Variants in ZNF423 observed in about 807,000 individuals in gnomAD.
ZNF423 encodes Ebf-associated zinc finger protein.
ZNF423 carries 12 observed loss-of-function variants against 95.8 expected under a neutral mutation model. The ratio of observed to expected loss-of-function variants is 0.13; its 90% CI spans 0.08 to 0.20. The LOEUF is 0.20. Ranked by LOEUF, ZNF423 falls within the 10% of genes least tolerant of loss-of-function variation. The pLI, the probability that ZNF423 is intolerant of heterozygous loss-of-function variation, is 1.00. For missense variants in ZNF423, 1,316 were observed against 1,737.1 expected (o/e 0.76, Z 4.31); for synonymous variants, 749 against 711.9 (o/e 1.05, Z -0.83).
intron 3 of ZNF423, among the ~76,000 whole-genome samples, chr16:49,651,173 A>G (rs1596792761): frequency 1.3e-5 from 2 of 149,602 alleles, no homozygotes; most frequent in Non-Finnish European, 1.5e-5. Flanking sequence ...GGTGCGTGCC[A>G]CCATGCCTGG....
chr16:49,843,902 A>C (rs185451139), intron 1 of ZNF423, among the ~76,000 whole-genome samples: 1 of 152,140 alleles, frequency 6.6e-6, no homozygotes, highest in East Asian at 1.9e-4. Context: ...GCCAGGATCG[A>C]GCTGGTCAAA....
At chr16:49,858,728 C>CCCG (rs61603332), upstream of ZNF423, among the ~76,000 whole-genome samples, 1 of 139,854 alleles carries the variant, frequency 7.2e-6, no homozygotes, top group Non-Finnish European at 1.6e-5. The surrounding 1 kb of genome is among the most constrained non-coding windows in gnomAD (Gnocchi z 4.3). Context: ...CCCCCCCCCC[C>CCCG]ACGCCCCCGC....
intron 1 of ZNF423, among the ~76,000 whole-genome samples, chr16:49,830,109 A>G (rs1252762506): frequency 1.3e-5 from 2 of 152,172 alleles, no homozygotes; most frequent in South Asian, 2.1e-4. Flanking sequence ...AGAGAGAGAC[A>G]GTAACAGCAG....
At chr16:49,776,225 C>A (rs539599849) in intron 2 of ZNF423, among the ~76,000 whole-genome samples, 9 of 152,220 alleles carry the variant, frequency 5.9e-5, no homozygotes, top group African/African-American at 1.9e-4. Context: ...CCAGGCCAAG[C>A]GGAGCTGGAG....
At chr16:49,579,673 G>T (rs1970605471) in intron 5 of ZNF423, among the ~76,000 whole-genome samples, 1 of 152,076 alleles carries the variant, frequency 6.6e-6, no homozygotes, top group Non-Finnish European at 1.5e-5. Context: ...TTCATGAGGG[G>T]CTGGGGAGGC....
chr16:49,708,366 G>C (rs1268882030), intron 3 of ZNF423: 1 of 151,932 alleles, frequency 6.6e-6, no homozygotes, highest in Non-Finnish European at 1.5e-5. Context: ...CAAGATCTCA[G>C]CCCACTGCAA....
intron 1 of ZNF423, among the ~76,000 whole-genome samples, chr16:49,809,267 C>T (rs781425838): frequency 1.3e-5 from 2 of 152,276 alleles, no homozygotes. Flanking sequence ...AGCTCTCCCA[C>T]ACCATCAGAA....
At chr16:49,503,834 A>G (rs1033561085) in intron 7 of ZNF423, among the ~76,000 whole-genome samples, 1 of 152,166 alleles carries the variant, frequency 6.6e-6, no homozygotes, top group Admixed American at 6.5e-5. Context: ...CCTGCAAGCT[A>G]CTGTAGCAAA....
intron 3 of ZNF423, among the ~76,000 whole-genome samples, chr16:49,721,774 T>G (rs1374500810): frequency 6.6e-6 from 1 of 152,142 alleles, no homozygotes; most frequent in African/African-American, 2.4e-5. Context: ...CCTCCTCCAC[T>G]TTGGAGAGTC....
chr16:49,804,049 C>A (rs1002867321), intron 1 of ZNF423, among the ~76,000 whole-genome samples: 1 of 151,332 alleles, frequency 6.6e-6, no homozygotes, highest in African/African-American at 2.4e-5. Context: ...GATTCTCCTG[C>A]CTCAGCCTCC....
chr16:49,606,966 C>T lies in ZNF423; in HGVS notation c.3601+19204G>A, dbSNP rs536109379. Among the ~76,000 whole-genome samples the T allele has an allele frequency of 1.6e-4, 24 of 152,164 alleles. 2 individuals are homozygous for T. The South Asian group carries it at 5.0e-3, about 32-fold the overall frequency. On this transcript the variant is annotated intron_variant, in intron 5 of 7. Transcript: ENST00000563137. The stretch of plus-strand genomic sequence containing the variant: ...CACCAGGAGAAAGAAATGAGCTGCC[C>T]CAGGAGCAGGAGACAGAGCCAGATG...
In ZNF423 at chr16:49,670,340, C is replaced by T. The variant is rs946692975; in HGVS notation, c.302-31466G>A. Among the ~76,000 whole-genome samples the T allele has an allele frequency of 3.5e-4, 54 of 152,178 alleles. 1 individual carries two copies. Among genetic ancestry groups the T allele is most frequent in the Non-Finnish European group, 4.4e-5 (3 of 68,024 alleles). On this transcript the variant is annotated intron_variant, in intron 3 of 7. Transcript: ENST00000563137. ...CAGTGCAGATGCCCACAGATGGAAG[C>T]CAGAAAAAAATATGACTCCTTGCAA...
At chr16:49,783,840 C>T (rs1292801554) in intron 2 of ZNF423, among the ~76,000 whole-genome samples, 2 of 151,858 alleles carry the variant, frequency 1.3e-5, no homozygotes, top group South Asian at 2.1e-4. Context: ...CGTGATGGCA[C>T]GTGCCTGTAG....
chr16:49,631,290 T>A (rs190900924), intron 4 of ZNF423, among the ~76,000 whole-genome samples: 1 of 152,132 alleles, frequency 6.6e-6, no homozygotes. Context: ...TGTAGACTCA[T>A]AAGTGCTCAC....
At chr16:49,760,144 G>C in intron 2 of ZNF423, among the ~76,000 whole-genome samples, 1 of 139,914 alleles carries the variant, frequency 7.1e-6, no homozygotes, top group South Asian at 2.4e-4. Flanking sequence ...TGGATGGGTG[G>C]GTGGGGTGGG....
chr16:49,550,927 A>G (rs1267597014), intron 5 of ZNF423, among the ~76,000 whole-genome samples: 6 of 152,234 alleles, frequency 3.9e-5, no homozygotes. Context: ...CTCCCTTCGC[A>G]GGTACCTAGA....
chr16:49,728,967 G>A (rs897449702), intron 3 of ZNF423, among the ~76,000 whole-genome samples: 3 of 152,162 alleles, frequency 2.0e-5, no homozygotes, highest in African/African-American at 7.2e-5. Context: ...TGCTGACATC[G>A]TGATCCGCCT....
chr16:49,802,601 G>C (rs1253241816), intron 1 of ZNF423, among the ~76,000 whole-genome samples: 8 of 152,214 alleles, frequency 5.3e-5, no homozygotes, highest in Non-Finnish European at 8.8e-5. Flanking sequence ...GGAGGAAGGA[G>C]AGAAGGGGCT....
intron 3 of ZNF423, among the ~76,000 whole-genome samples, chr16:49,690,302 A>G (rs957149245): frequency 6.6e-6 from 1 of 152,222 alleles, no homozygotes; most frequent in Non-Finnish European, 1.5e-5. Context: ...AGGCCGAGGC[A>G]GGAGGATCAC....
Sources: allele counts gnomAD v4.1 joint callset (sites outside exome capture counted in the v4.1 genomes callset), GRCh38; gene constraint gnomAD v4.1.1; non-coding constraint Gnocchi (gnomAD v3.1); transcripts MANE v1.5; gene names NCBI Gene and HGNC (gene_info 2026-07-23, HGNC 2026-07-21).